The following LPIN2 variants were observed in gnomAD, a reference collection of about 807,000 sequenced individuals.
LPIN2 encodes the protein phosphatidate phosphatase LPIN2.
LPIN2 carries 55 observed loss-of-function variants against 111.4 expected under a neutral mutation model. The ratio of observed to expected loss-of-function variants is 0.49; its 90% CI spans 0.40 to 0.62. LPIN2 has a LOEUF of 0.62. LPIN2 is among the 20% of genes least tolerant of loss of function. LPIN2 has a pLI of 0.00. For synonymous variants in LPIN2, 425 were observed against 414.0 expected (o/e 1.03, Z -0.32); for missense variants, 992 against 1,112.1 (o/e 0.89, Z 1.54).
intron 7 of LPIN2, among the ~76,000 whole-genome samples, chr18:2,937,036 A>G (rs879527560): frequency 2.0e-5 from 3 of 152,294 alleles, no homozygotes; most frequent in Non-Finnish European, 4.4e-5. Context: ...TCTCTATTCT[A>G]ATTTTTTAAG....
chr18:2,963,935 C>T (rs1264237167), intron 1 of LPIN2, among the ~76,000 whole-genome samples: 1 of 151,844 alleles, frequency 6.6e-6, no homozygotes, highest in Non-Finnish European at 1.5e-5. Flanking sequence ...AATTCTTAAA[C>T]TTATACATTA....
At chr18:2,978,513 C>T (rs1276596091) in intron 1 of LPIN2, among the ~76,000 whole-genome samples, 1 of 152,160 alleles carries the variant, frequency 6.6e-6, no homozygotes, top group Non-Finnish European at 1.5e-5. Flanking sequence ...GACCAGTGCT[C>T]ATCAAAACAT....
At chr18:2,962,528 A>AT (rs772522198) in intron 1 of LPIN2, among the ~76,000 whole-genome samples, 3 of 152,204 alleles carry the variant, frequency 2.0e-5, no homozygotes, top group East Asian at 1.9e-4. Flanking sequence ...AATAAGAAAC[A>AT]TAAAAAAAAA....
At position 2,954,577 on chromosome 18, in the gene LPIN2, C is replaced by A; in HGVS notation, c.215G>T (p.Ser72Ile). 6.2e-7 allele frequency: 1 copy of A among 1,612,908 alleles called. No homozygotes were observed. Among genetic ancestry groups the A allele is most frequent in the Non-Finnish European group, 8.5e-7 (1 of 1,178,826 alleles). Residue 72 changes from serine (S) to isoleucine (I), a missense_variant, in exon 3 of 20, where the codon AGT (serine) becomes ATT (isoleucine). This residue lies in a region of LPIN2 where 67 missense variants were observed against 112.1 expected (regional missense o/e 0.60). Coordinates refer to ENST00000677752, the MANE Select transcript of LPIN2 (RefSeq NM_001375808.2). Reference protein sequence around the residue: ...EKVIDIEINGSAVDLHMKLGD... With the variant: ...EKVIDIEINGIAVDLHMKLGD... ...CAACTTCATGTGAAGATCCACTGCA[C>A]TGCCGTTGATTTCTATATCAATCTA...
At chr18:2,970,204 G>A (rs538372880) in intron 1 of LPIN2, among the ~76,000 whole-genome samples, 16 of 152,294 alleles carry the variant, frequency 1.1e-4, no homozygotes, top group African/African-American at 3.9e-4. Context: ...GACACATAAT[G>A]CAATGGCTAG....
intron 1 of LPIN2, among the ~76,000 whole-genome samples, chr18:2,974,803 G>A (rs2077983005): frequency 6.6e-6 from 1 of 152,050 alleles, no homozygotes; most frequent in Non-Finnish European, 1.5e-5. Flanking sequence ...AGCAGCCTGG[G>A]CAATGTAAGG....
chr18:2,938,258 T>G (rs1222127995), intron 6 of LPIN2, among the ~76,000 whole-genome samples: 2 of 152,212 alleles, frequency 1.3e-5, no homozygotes, highest in Admixed American at 1.3e-4. Context: ...GCACAGTGGC[T>G]CACGCCTATA....
chr18:2,972,798 C>T (rs1043993930), intron 1 of LPIN2, among the ~76,000 whole-genome samples: 10 of 152,204 alleles, frequency 6.6e-5, no homozygotes, highest in Non-Finnish European at 1.0e-4. Flanking sequence ...CCACATTTCT[C>T]TTTAATGCTT....
At chr18:2,983,434 G>A (rs1567853338) in intron 1 of LPIN2, among the ~76,000 whole-genome samples, 1 of 152,116 alleles carries the variant, frequency 6.6e-6, no homozygotes. Context: ...TATTTCCTTG[G>A]CAGCTCTCAG....
intron 1 of LPIN2, among the ~76,000 whole-genome samples, chr18:2,997,630 G>A (rs1013880046): frequency 7.2e-5 from 11 of 152,194 alleles, no homozygotes; most frequent in Admixed American, 7.2e-4. Flanking sequence ...CCTTACATAT[G>A]GCATCAATCA....
chr18:2,969,706 CA>C (rs2077872732), intron 1 of LPIN2, among the ~76,000 whole-genome samples: 1 of 152,088 alleles, frequency 6.6e-6, no homozygotes, highest in Admixed American at 6.5e-5. Flanking sequence ...GGGATAAAAA[CA>C]AATACACGCT....
At chr18:2,980,185 AAG>A (rs1188842558) in intron 1 of LPIN2, among the ~76,000 whole-genome samples, 1 of 152,212 alleles carries the variant, frequency 6.6e-6, no homozygotes, top group African/African-American at 2.4e-5. Context: ...TCCAGAAAGA[AAG>A]AGGAAATTCT....
chr18:2,924,523 G>A lies in LPIN2; in HGVS notation c.1962C>T (p.Gly654=), dbSNP rs971129550. ...TAATACTAAACACAACATCATTTGG[G>A]CCATCGTGGAGCTTCAGTTTTGCCT... ...DQIAKLKLHD[G]PNDVVFSITT... The change falls in exon 15 of 20, where the codon GGC becomes GGT. Residue 654 remains glycine, a synonymous_variant. Transcript: ENST00000677752. 6.2e-7 allele frequency: 1 copy of A among 1,614,178 alleles called. No individual in the cohort carries two copies.
rs556879807 is a variant in LPIN2, at chr18:2,921,132, C to T, written c.2443-251G>A. ...CCTGGCGCAGAAGAGGCCAGAGAGG[C>T]CACATCTTCTGCACACCTGAGGCCC... On this transcript the variant is annotated intron_variant, in intron 18 of 19. Transcript: ENST00000677752. 45 of 578,852 alleles carry T rather than the reference C, an allele frequency of 7.8e-5. 1 individual carries two copies. Among genetic ancestry groups the T allele is most frequent in the Admixed American group, 1.8e-4 (6 of 33,636 alleles). 35.9% of individuals were successfully genotyped at this position (578,852 alleles called of 1,614,324 possible).
chr18:3,003,478 CAGA>C (rs2078463889), intron 1 of LPIN2, among the ~76,000 whole-genome samples: 1 of 152,148 alleles, frequency 6.6e-6, no homozygotes, highest in Non-Finnish European at 1.5e-5. Context: ...GGAGCCGAGG[CAGA>C]AGAACATAAA....
In LPIN2 at chr18:2,931,364, C is replaced by T. The variant is rs771486222; in HGVS notation, c.1348G>A (p.Ala450Thr). 1.7e-5 allele frequency: 27 copies of T among 1,613,320 alleles called. No individual in the cohort carries two copies. Among genetic ancestry groups the T allele is most frequent in the African/African-American group, 2.7e-5 (2 of 74,942 alleles). The change falls in exon 9 of 20, where the codon GCA becomes ACA. Residue 450 changes from alanine (A) to threonine (T), a missense_variant. Physicochemically the swap from Ala to Thr is moderately conservative, Grantham distance 58. Around this residue, in one of 4 missense-constraint regions of LPIN2, gnomAD observed 709 missense variants for 753.2 expected, o/e 0.94. Transcript: ENST00000677752. ...GSQSPQSVGS[A>T]AADSGTECLS... ...CACTCGGTGCCGCTATCTGCAGCTG[C>T]GCTTCCCACGGACTGTGGGGACTGG...
At chr18:2,991,210 TAAAG>T (rs1406208510) in intron 1 of LPIN2, 4 of 189,868 alleles carry the variant, frequency 2.1e-5, no homozygotes, top group Non-Finnish European at 4.4e-5. Flanking sequence ...CCCTTCCTAT[TAAAG>T]AAAGAATCAT....
At chr18:2,946,677 T>C (rs984635699) in intron 4 of LPIN2, 4 of 627,412 alleles carry the variant, frequency 6.4e-6, no homozygotes, top group African/African-American at 5.6e-5. Flanking sequence ...CCAAAATAAA[T>C]AGCCTGAATT....
intron 1 of LPIN2, among the ~76,000 whole-genome samples, chr18:2,994,126 T>A (rs1359710825): frequency 6.6e-6 from 1 of 152,224 alleles, no homozygotes; most frequent in African/African-American, 2.4e-5. Flanking sequence ...TGTACGCCTA[T>A]CATTCAAGAA....
Sources: allele counts gnomAD v4.1 joint callset (sites outside exome capture counted in the v4.1 genomes callset), GRCh38; gene constraint gnomAD v4.1.1; regional missense constraint gnomAD v4.1.1; transcripts MANE v1.5; gene names NCBI Gene and HGNC (gene_info 2026-07-23, HGNC 2026-07-21).